TEAD1: variants seen among roughly 807,000 people sequenced by gnomAD.
TEAD1 encodes transcriptional enhancer factor TEF-1.
A neutral mutation model predicts 54.9 loss-of-function variants in TEAD1; 9 were observed. That is an observed-to-expected ratio of 0.16 (90% CI 0.10 to 0.29). TEAD1 has a LOEUF of 0.29. TEAD1 is among the 10% of genes least tolerant of loss of function. TEAD1 has a pLI of 1.00. For synonymous variants in TEAD1, 200 were observed against 187.8 expected (o/e 1.07, Z -0.53); for missense variants, 387 against 535.9 (o/e 0.72, Z 2.74).
intron 10 of TEAD1, among the ~76,000 whole-genome samples, chr11:12,910,741 A>G (rs1327428423): frequency 1.6e-5 from 2 of 128,038 alleles, no homozygotes; most frequent in African/African-American, 5.8e-5. Flanking sequence ...ATAGTTACTT[A>G]ATTTGCTTTT....
At chr11:12,884,947 C>T (rs1948056442) in intron 9 of TEAD1, among the ~76,000 whole-genome samples, 1 of 152,194 alleles carries the variant, frequency 6.6e-6, no homozygotes, top group African/African-American at 2.4e-5. Flanking sequence ...GGCCCAGATG[C>T]TGCTTCTGCC....
intron 3 of TEAD1, among the ~76,000 whole-genome samples, chr11:12,859,825 G>A (rs1361676583): frequency 6.6e-6 from 1 of 152,136 alleles, no homozygotes; most frequent in Admixed American, 6.5e-5. Flanking sequence ...GGAAACAGGG[G>A]TAGGGACATA....
intron 3 of TEAD1, among the ~76,000 whole-genome samples, chr11:12,851,282 T>C (rs758279581): frequency 4.6e-5 from 7 of 152,152 alleles, no homozygotes; most frequent in Non-Finnish European, 8.8e-5. Flanking sequence ...AGATACAAAG[T>C]AGCAGATATG....
chr11:12,850,832 C>CT (rs1242564278), intron 3 of TEAD1, among the ~76,000 whole-genome samples: 2 of 152,050 alleles, frequency 1.3e-5, no homozygotes, highest in Non-Finnish European at 2.9e-5. Context: ...TTAAGATTAG[C>CT]TTTTTTTGGA....
chr11:12,781,951 C>CATAAAA (rs1945555490), intron 3 of TEAD1, among the ~76,000 whole-genome samples: 1 of 65,422 alleles, frequency 1.5e-5, no homozygotes, highest in Admixed American at 1.8e-4. Context: ...CTCGTCTGTA[C>CATAAAA]AAAAAAAAAA....
Position 12,879,858 on chromosome 11 carries a change from A to C in TEAD1, c.465+16A>C. The C allele has an allele frequency of 6.2e-7, 1 of 1,612,748 alleles. No homozygotes were observed. The highest frequency in any genetic ancestry group is 8.5e-7 in the Non-Finnish European group (1 of 1,180,030). ...GGCGCCGGGGGTAAGTCATGAGCTC[A>C]GTCCAGTAATGACAGCTGCTGGGGT... On this transcript the variant is annotated intron_variant, in intron 6 of 12. Transcript: ENST00000527636.
chr11:12,930,297 A>G lies in TEAD1; in HGVS notation c.1138A>G (p.Ser380Gly). The change falls in exon 12 of 13, where the codon AGT (serine) becomes GGT (glycine). Residue 380 changes from serine (S) to glycine (G), a missense_variant. By Grantham distance (56) the Ser-to-Gly change is moderately conservative. Around this residue, in one of 5 missense-constraint regions of TEAD1, gnomAD observed 123 missense variants for 199.0 expected, o/e 0.62. Transcript: ENST00000527636. ...CTTACCAGAGAAATATATGATGAAC[A>G]GTGTTTTGGAAAACTTCACAATTTT... 6.2e-7 allele frequency: 1 copy of G among 1,614,230 alleles called. No homozygotes were observed. Among genetic ancestry groups the G allele is most frequent in the Non-Finnish European group, 8.5e-7 (1 of 1,180,050 alleles).
chr11:12,858,775 G>A (rs1455041978), intron 3 of TEAD1, among the ~76,000 whole-genome samples: 1 of 152,152 alleles, frequency 6.6e-6, no homozygotes, highest in African/African-American at 2.4e-5. Context: ...AGGACCTGTT[G>A]AAGTCATAAT....
intron 3 of TEAD1, chr11:12,823,457 C>T (rs1231999467): frequency 6.6e-6 from 1 of 152,164 alleles, no homozygotes; most frequent in Non-Finnish European, 1.5e-5. Context: ...TTTCCCAGGG[C>T]AGGTCAGATA....
chr11:12,768,935 G>A (rs1324500964), intron 3 of TEAD1, among the ~76,000 whole-genome samples: 1 of 152,122 alleles, frequency 6.6e-6, no homozygotes, highest in Non-Finnish European at 1.5e-5. Flanking sequence ...GCCTGTTGCT[G>A]GCAGGAAGAA....
rs760239984 is a variant in TEAD1 at position 12,879,784 on chromosome 11, T to A, written c.407T>A (p.Ile136Asn). Residue 136 changes from isoleucine to asparagine, a missense_variant, in exon 6 of 13, where the codon ATT (isoleucine) becomes AAT (asparagine). This residue lies in a region of TEAD1 where 180 missense variants were observed against 180.6 expected (regional missense o/e 1.00). Transcript: ENST00000527636. ...GCCCAGATCGTCTCGGCCACTGCCA[T>A]TCATAACAAGCTGGGGCTGCCTGGG... The A allele has an allele frequency of 3.7e-6, 6 of 1,614,158 alleles. No homozygotes were observed. Among genetic ancestry groups the A allele is most frequent in the Non-Finnish European group, 5.1e-6 (6 of 1,180,026 alleles).
chr11:12,714,860 T>C (rs1944021437), intron 2 of TEAD1, among the ~76,000 whole-genome samples: 1 of 152,090 alleles, frequency 6.6e-6, no homozygotes, highest in African/African-American at 2.4e-5. Context: ...TCTCCTCTTG[T>C]AAGGACACCA....
intron 2 of TEAD1, among the ~76,000 whole-genome samples, chr11:12,715,962 T>G (rs914490434): frequency 2.7e-4 from 41 of 152,212 alleles, no homozygotes; most frequent in African/African-American, 9.4e-4. Context: ...TAATTCATTT[T>G]TTTACAGTAA....
chr11:12,937,046 C>T, intron 12 of TEAD1, 63 bp from the exon 13 acceptor site: 1 of 1,149,048 alleles, frequency 8.7e-7, no homozygotes, highest in Non-Finnish European at 1.3e-6. Context: ...TCATAGTCGT[C>T]ATACACAGAT....
At chr11:12,858,533 T>G (rs1168145482) in intron 3 of TEAD1, among the ~76,000 whole-genome samples, 1 of 152,218 alleles carries the variant, frequency 6.6e-6, no homozygotes, top group East Asian at 1.9e-4. Flanking sequence ...TTAAGATAAT[T>G]TATTAGGTTT....
intron 11 of TEAD1, among the ~76,000 whole-genome samples, chr11:12,929,466 G>A (rs1463702334): frequency 6.7e-6 from 1 of 149,830 alleles, no homozygotes; most frequent in African/African-American, 2.5e-5. Flanking sequence ...GTTTTATTCT[G>A]TAAATTTTTA....
chr11:12,862,653 C>G (rs944266844), intron 4 of TEAD1, among the ~76,000 whole-genome samples: 2 of 152,180 alleles, frequency 1.3e-5, no homozygotes, highest in African/African-American at 4.8e-5. Flanking sequence ...TGCAAATGCA[C>G]TTGCAGGTCA....
chr11:12,816,669 T>C (rs769291986), intron 3 of TEAD1, among the ~76,000 whole-genome samples: 21 of 152,150 alleles, frequency 1.4e-4, no homozygotes, highest in Non-Finnish European at 3.1e-4. Context: ...ACAAGCCAGG[T>C]ACAAGACTTC....
At chr11:12,690,547 C>T (rs1779054206) in intron 2 of TEAD1, among the ~76,000 whole-genome samples, 1 of 152,046 alleles carries the variant, frequency 6.6e-6, no homozygotes, top group African/African-American at 2.4e-5. Context: ...CTCTGTATTT[C>T]CTATAAATGG....
Sources: gnomAD v4.1 joint callset for allele counts (sites outside exome capture counted in the v4.1 genomes callset) on GRCh38, gnomAD v4.1.1 for gene constraint, gnomAD v4.1.1 regional missense constraint, MANE v1.5 for transcripts, NCBI Gene and HGNC (gene_info 2026-07-23, HGNC 2026-07-21) for gene names.